PSD3: variants seen among roughly 807,000 people sequenced by gnomAD.
PSD3 encodes the protein pleckstrin and Sec7 domain containing 3.
Under a neutral mutation model 105.5 loss-of-function variants are expected in PSD3, and 49 were observed. The observed-to-expected ratio is 0.46, with a 90% CI of 0.37 to 0.59. The LOEUF is 0.59. Ranked by LOEUF, PSD3 falls within the 20% of genes least tolerant of loss-of-function variation. The pLI, the probability that PSD3 is intolerant of heterozygous loss-of-function variation, is 0.00. For missense variants in PSD3, 1,561 were observed against 1,263.8 expected (o/e 1.24, Z -3.57); for synonymous variants, 557 against 457.8 (o/e 1.22, Z -2.77).
intron 10 of PSD3, among the ~76,000 whole-genome samples, chr8:18,645,552 T>G (rs1393692608): frequency 1.3e-5 from 2 of 152,226 alleles, no homozygotes; most frequent in Non-Finnish European, 2.9e-5. Context: ...CATATATAGA[T>G]TTAACCTTAG....
intron 1 of PSD3, among the ~76,000 whole-genome samples, chr8:19,063,918 G>T (rs1828986639): frequency 6.6e-6 from 1 of 152,128 alleles, no homozygotes; most frequent in African/African-American, 2.4e-5. Context: ...GAAGTGGGTG[G>T]ATCACTTGAG....
chr8:18,851,419 A>G (rs1815550809), intron 4 of PSD3, among the ~76,000 whole-genome samples: 1 of 152,224 alleles, frequency 6.6e-6, no homozygotes, highest in Non-Finnish European at 1.5e-5. Context: ...CAGCTAAACA[A>G]TGACTAAAAT....
chr8:18,627,808 G>GA (rs1799149993), intron 11 of PSD3, among the ~76,000 whole-genome samples: 3 of 137,094 alleles, frequency 2.2e-5, no homozygotes, highest in African/African-American at 8.9e-5. Context: ...CAAAGAAAAA[G>GA]GAAAAAAAAA....
intron 15 of PSD3, among the ~76,000 whole-genome samples, chr8:18,539,950 C>T (rs1056206770): frequency 7.2e-5 from 11 of 152,118 alleles, no homozygotes; most frequent in African/African-American, 2.2e-4. Flanking sequence ...AATCATATTG[C>T]GGCAGACGGT....
At chr8:18,734,494 C>T (rs1226301168) in intron 9 of PSD3, 1 of 152,110 alleles carries the variant, frequency 6.6e-6, no homozygotes, top group East Asian at 1.9e-4. Context: ...GATTTTGTTC[C>T]TCCTGGCAAG....
At chr8:18,894,601 C>T (rs1393649689) in intron 2 of PSD3, among the ~76,000 whole-genome samples, 1 of 152,042 alleles carries the variant, frequency 6.6e-6, no homozygotes, top group Non-Finnish European at 1.5e-5. Flanking sequence ...GGTAACAGAA[C>T]AAGGAGAGAT....
intron 1 of PSD3, among the ~76,000 whole-genome samples, chr8:19,076,004 G>C (rs1013212634): frequency 6.6e-6 from 1 of 152,108 alleles, no homozygotes; most frequent in Non-Finnish European, 1.5e-5. Context: ...CACAGGCTAC[G>C]AACACAAGGC....
At chr8:18,921,892 C>A (rs955379149) in intron 2 of PSD3, among the ~76,000 whole-genome samples, 1 of 152,106 alleles carries the variant, frequency 6.6e-6, no homozygotes, top group East Asian at 1.9e-4. Flanking sequence ...ATGTCAATGC[C>A]AAGGCACACT....
intron 12 of PSD3, among the ~76,000 whole-genome samples, chr8:18,581,833 T>G (rs1190000142): frequency 6.6e-6 from 1 of 152,204 alleles, no homozygotes; most frequent in African/African-American, 2.4e-5. Context: ...TAAAGGGATC[T>G]GACATTACTA....
intron 9 of PSD3, among the ~76,000 whole-genome samples, chr8:18,718,589 G>A (rs1338344355): frequency 6.6e-6 from 1 of 152,142 alleles, no homozygotes; most frequent in Non-Finnish European, 1.5e-5. Flanking sequence ...TTTATAATCA[G>A]AAGAATATTA....
chr8:18,871,038 G>C (rs183607316), intron 3 of PSD3, among the ~76,000 whole-genome samples: 15 of 152,262 alleles, frequency 9.9e-5, no homozygotes, highest in African/African-American at 3.1e-4. Context: ...GGTCAAGGCC[G>C]CAGTGAGCCG....
intron 8 of PSD3, among the ~76,000 whole-genome samples, chr8:18,770,212 C>G (rs1463350791): frequency 6.6e-6 from 1 of 152,150 alleles, no homozygotes; most frequent in Admixed American, 6.5e-5. Flanking sequence ...TTGCATTTCC[C>G]TAATGACTAA....
intron 12 of PSD3, among the ~76,000 whole-genome samples, chr8:18,588,572 T>C (rs1016671711): frequency 6.6e-6 from 1 of 152,230 alleles, no homozygotes; most frequent in Non-Finnish European, 1.5e-5. Flanking sequence ...TCACTCTTCA[T>C]AAATGTATAA....
chr8:18,562,662 G>T (rs1035575422), intron 14 of PSD3, among the ~76,000 whole-genome samples: 2 of 152,120 alleles, frequency 1.3e-5, no homozygotes, highest in East Asian at 1.9e-4. Flanking sequence ...GCTGAGATGG[G>T]CGGATCACTG....
In PSD3 at chr8:18,670,505, T is replaced by C. The variant is rs1799724147; in HGVS notation, c.2173-14820A>G. Among the ~76,000 whole-genome samples, 6 of 152,082 alleles carry C rather than the reference T, an allele frequency of 3.9e-5. 1 individual carries two copies. The highest frequency in any genetic ancestry group is 6.8e-3 in the Middle Eastern group (2 of 294). ...GAATCTGGGTGAGAGGTGAGGTAAG[T>C]TGACTGGGATGAAGGCAGGCAGTGG... On this transcript the variant is annotated intron_variant, in intron 9 of 15. Transcript: ENST00000327040.
intron 9 of PSD3, among the ~76,000 whole-genome samples, chr8:18,658,936 A>G (rs1341519443): frequency 6.6e-6 from 1 of 152,184 alleles, no homozygotes; most frequent in Non-Finnish European, 1.5e-5. Context: ...CAAAACAAGC[A>G]ACACCTTTTC....
chr8:18,558,897 T>C (rs546739306), intron 14 of PSD3, among the ~76,000 whole-genome samples: 2 of 152,342 alleles, frequency 1.3e-5, no homozygotes, highest in African/African-American at 4.8e-5. Context: ...TTAAAGGCTT[T>C]CTTTTGTAAT....
At chr8:18,992,762 C>T (rs1586592713) in intron 1 of PSD3, among the ~76,000 whole-genome samples, 2 of 152,046 alleles carry the variant, frequency 1.3e-5, no homozygotes, top group African/African-American at 4.8e-5. Flanking sequence ...AAGTAGTGGA[C>T]TTGAAGTCAA....
At chr8:18,934,524 C>A (rs983796215) in intron 2 of PSD3, among the ~76,000 whole-genome samples, 3 of 152,294 alleles carry the variant, frequency 2.0e-5, no homozygotes, top group Admixed American at 1.3e-4. Context: ...CATTCTCCTG[C>A]CTCAGCCTCC....
Sources: allele counts gnomAD v4.1 joint callset (sites outside exome capture counted in the v4.1 genomes callset), GRCh38; gene constraint gnomAD v4.1.1; transcripts MANE v1.5; gene names NCBI Gene and HGNC (gene_info 2026-07-23, HGNC 2026-07-21).